The following GPR158 variants were observed in gnomAD, a reference collection of about 807,000 sequenced individuals.
The protein encoded by GPR158 is G protein-coupled receptor 158.
Under a neutral mutation model 78.2 loss-of-function variants are expected in GPR158, and 30 were observed. That is an observed-to-expected ratio of 0.38 (90% CI 0.29 to 0.52). The LOEUF (loss-of-function observed/expected upper bound fraction) is 0.52, where lower values mean the gene tolerates loss of function less well. GPR158 is among the 20% of genes least tolerant of loss of function. The pLI is 0.83. For synonymous variants in GPR158, 581 were observed against 591.1 expected (o/e 0.98, Z 0.25); for missense variants, 1,463 against 1,523.5 (o/e 0.96, Z 0.66).
At chr10:25,459,246 A>T (rs1835327836) in intron 4 of GPR158, among the ~76,000 whole-genome samples, 1 of 148,264 alleles carries the variant, frequency 6.7e-6, no homozygotes, top group African/African-American at 2.7e-5. Context: ...AATTAAAAAT[A>T]AAAAAGTACA....
intron 2 of GPR158, among the ~76,000 whole-genome samples, chr10:25,266,406 C>A (rs1420879796): frequency 6.6e-6 from 1 of 152,058 alleles, no homozygotes; most frequent in Non-Finnish European, 1.5e-5. Context: ...TCAGAGAAGT[C>A]CAGATGGACC....
chr10:25,357,736 A>T (rs1855572833), intron 2 of GPR158, among the ~76,000 whole-genome samples: 1 of 152,114 alleles, frequency 6.6e-6, no homozygotes, highest in Admixed American at 6.5e-5. Context: ...GGGGACTTCA[A>T]GGAGAACCTC....
At position 25,341,466 on chromosome 10, in the gene GPR158, A is replaced by G. The variant is rs189818984; in HGVS notation, c.1009-54445A>G. 1.9e-4 allele frequency among the ~76,000 whole-genome samples: 29 copies of G among 152,148 alleles called. No homozygotes were observed. The East Asian group carries it at 3.7e-3, about 19-fold the overall frequency. On this transcript the variant is annotated intron_variant, in intron 2 of 10. Coordinates refer to ENST00000376351, the MANE Select transcript of GPR158 (RefSeq NM_020752.3). ...TCTCTTGGGATACATCTAAAATAAT[A>G]GTAAAAGGATAAATAACTATGAATC...
chr10:25,527,898 G>T (rs1177786048), intron 5 of GPR158, among the ~76,000 whole-genome samples: 1 of 151,932 alleles, frequency 6.6e-6, no homozygotes, highest in Admixed American at 6.6e-5. Context: ...ATAATAAGCT[G>T]GTATTACAAT....
intron 2 of GPR158, among the ~76,000 whole-genome samples, chr10:25,354,077 G>C (rs1364303499): frequency 6.6e-6 from 1 of 151,914 alleles, no homozygotes; most frequent in East Asian, 1.9e-4. Flanking sequence ...TTAAAGCCTG[G>C]GTGCAGTGGC....
chr10:25,379,338 T>A (rs568506497), intron 2 of GPR158, among the ~76,000 whole-genome samples: 2 of 152,288 alleles, frequency 1.3e-5, no homozygotes, highest in South Asian at 4.1e-4. Flanking sequence ...CTTTAACCTA[T>A]CTCTGATAAG....
At position 25,345,244 on chromosome 10, in the gene GPR158, G is replaced by C. The variant is rs528230360; in HGVS notation, c.1009-50667G>C. ...AAGGGACCCTCTTGCTGGTTCACCA[G>C]TGGGAGCTCTACTAAGCCTCTCTCT... On this transcript the variant is annotated intron_variant, in intron 2 of 10. Coordinates refer to ENST00000376351, the MANE Select transcript of GPR158 (RefSeq NM_020752.3). 4.6e-5 allele frequency among the ~76,000 whole-genome samples: 7 copies of C among 152,102 alleles called. No individual in the cohort carries two copies. In the South Asian group the frequency reaches 1.4e-3, roughly 31 times the overall value.
At chr10:25,339,515 A>T (rs1855273773) in intron 2 of GPR158, among the ~76,000 whole-genome samples, 1 of 151,772 alleles carries the variant, frequency 6.6e-6, no homozygotes, top group Non-Finnish European at 1.5e-5. Flanking sequence ...TTCTGATTGC[A>T]TTGGTTAGGA....
chr10:25,310,954 A>G (rs1854755281), intron 2 of GPR158, among the ~76,000 whole-genome samples: 1 of 151,898 alleles, frequency 6.6e-6, no homozygotes, highest in South Asian at 2.1e-4. Flanking sequence ...AGCACCATTT[A>G]TTATTATGTC....
intron 2 of GPR158, among the ~76,000 whole-genome samples, chr10:25,241,127 TTC>T (rs60774917): frequency 4.5e-5 from 1 of 22,424 alleles, no homozygotes; most frequent in Admixed American, 4.7e-4. Context: ...TACTTTGATT[TTC>T]TTTCTTTCTT....
At chr10:25,182,273 A>T (rs1051928789) in intron 1 of GPR158, among the ~76,000 whole-genome samples, 11 of 152,210 alleles carry the variant, frequency 7.2e-5, no homozygotes, top group Admixed American at 2.6e-4. Context: ...TTCCTGATTT[A>T]CTTGGAGTCA....
At chr10:25,421,907 A>G (rs1834756701) in intron 4 of GPR158, among the ~76,000 whole-genome samples, 1 of 152,156 alleles carries the variant, frequency 6.6e-6, no homozygotes, top group South Asian at 2.1e-4. Context: ...GATTCTCACC[A>G]CATTTAAGGA....
At chr10:25,460,207 T>TC (rs1316920570) in intron 4 of GPR158, among the ~76,000 whole-genome samples, 5 of 152,020 alleles carry the variant, frequency 3.3e-5, no homozygotes, top group South Asian at 4.1e-4. Flanking sequence ...TTTTTTTTTT[T>TC]CCCTCTTCTT....
intron 4 of GPR158, among the ~76,000 whole-genome samples, chr10:25,426,082 C>T (rs1370685853): frequency 6.6e-6 from 1 of 152,072 alleles, no homozygotes; most frequent in African/African-American, 2.4e-5. Flanking sequence ...TTGTATGACG[C>T]TAAGGTTGCA....
chr10:25,175,624 C>T lies in GPR158; in HGVS notation c.204C>T (p.Thr68=). The T allele has an allele frequency of 6.2e-7, 1 of 1,611,198 alleles. No homozygotes were observed. Among genetic ancestry groups the T allele is most frequent in the South Asian group, 1.1e-5 (1 of 91,072 alleles). ...SAPWSRSTDG[T]ILAQKLAEEV... ...CCTGGAGCCGCTCCACCGATGGCAC[C>T]ATCTTGGCGCAGAAACTCGCCGAGG... Residue 68 remains threonine, a synonymous_variant, in exon 1 of 11, where the codon ACC becomes ACT. Transcript: ENST00000376351. The surrounding 1 kb of genome is among the most constrained non-coding windows in gnomAD (Gnocchi z 6.4).
intron 3 of GPR158, among the ~76,000 whole-genome samples, chr10:25,400,135 C>G (rs11014524): frequency 0.048 from 7,314 of 152,188 alleles, 606 homozygotes; most frequent in African/African-American, 0.17. Context: ...TCAAATATTT[C>G]ATTATATTAG....
intron 1 of GPR158, among the ~76,000 whole-genome samples, chr10:25,213,067 A>T (rs1853157433): frequency 6.6e-6 from 1 of 152,084 alleles, no homozygotes; most frequent in South Asian, 2.1e-4. Flanking sequence ...TTATTCTCAT[A>T]TTTATCTGCT....
intron 5 of GPR158, among the ~76,000 whole-genome samples, chr10:25,535,096 A>G (rs1300261576): frequency 1.3e-5 from 2 of 152,136 alleles, no homozygotes; most frequent in Admixed American, 6.6e-5. Flanking sequence ...TGTAGTCTAT[A>G]TTCCTCTTAC....
intron 5 of GPR158, among the ~76,000 whole-genome samples, chr10:25,546,455 A>T (rs1365180636): frequency 6.6e-6 from 1 of 152,046 alleles, no homozygotes; most frequent in African/African-American, 2.4e-5. Context: ...AAAATATTAC[A>T]TTATGTTTGA....
Sources: gnomAD v4.1 joint callset for allele counts (sites outside exome capture counted in the v4.1 genomes callset) on GRCh38, gnomAD v4.1.1 for gene constraint, Gnocchi (gnomAD v3.1) non-coding constraint, MANE v1.5 for transcripts, NCBI Gene and HGNC (gene_info 2026-07-23, HGNC 2026-07-21) for gene names.